Variants in PRKN observed in about 807,000 individuals in gnomAD.
PRKN encodes parkin RBR E3 ubiquitin protein ligase, also known as E3 ubiquitin-protein ligase parkin.
A neutral mutation model predicts 59.5 loss-of-function variants in PRKN; 56 were observed. That is an observed-to-expected ratio of 0.94 (90% CI 0.76 to 1.18). The LOEUF is 1.18. Ranked by LOEUF, PRKN falls within the 50% of genes most tolerant of loss-of-function variation. The pLI is 0.00. For missense variants in PRKN, 657 were observed against 596.4 expected, an observed-to-expected ratio of 1.10 and a Z score of -1.06; for synonymous variants, 250 against 222.1, an observed-to-expected ratio of 1.13 and a Z score of -1.12.
At chr6:161,509,763 C>G (rs980715307) in intron 9 of PRKN, among the ~76,000 whole-genome samples, 1 of 151,276 alleles carries the variant, frequency 6.6e-6, no homozygotes, top group African/African-American at 2.4e-5. Flanking sequence ...GCCTGTAATC[C>G]CAGCTACTCA....
At chr6:162,579,004 C>A (rs888806226) in intron 1 of PRKN, among the ~76,000 whole-genome samples, 8 of 152,110 alleles carry the variant, frequency 5.3e-5, no homozygotes, top group Non-Finnish European at 1.5e-5. Context: ...TTTATTTACC[C>A]ACATATGTTT....
intron 7 of PRKN, among the ~76,000 whole-genome samples, chr6:161,769,381 G>A (rs1789566600): frequency 6.6e-6 from 1 of 152,118 alleles, no homozygotes; most frequent in Non-Finnish European, 1.5e-5. Flanking sequence ...TCGACATCCA[G>A]TTGAGTGGGC....
intron 4 of PRKN, among the ~76,000 whole-genome samples, chr6:162,129,068 T>A: frequency 6.6e-6 from 1 of 152,212 alleles, no homozygotes; most frequent in Non-Finnish European, 1.5e-5. Context: ...AAGGATAACA[T>A]CATATAGGGA....
In PRKN at chr6:161,968,633, G is replaced by C. The variant is rs528057925; in HGVS notation, c.734+4669C>G. Among the ~76,000 whole-genome samples, 9 of 152,192 alleles carry C rather than the reference G, an allele frequency of 5.9e-5. No homozygotes were observed. In the South Asian group the frequency reaches 1.9e-3, roughly 32 times the overall value. ...TTTCATCTATTATGTGGTTAATTAT[G>C]TCTAATTTGATTAATGATGTATGAT... On this transcript the variant is annotated intron_variant, in intron 6 of 11. Transcript: ENST00000366898.
intron 9 of PRKN, among the ~76,000 whole-genome samples, chr6:161,422,390 G>A (rs35621654): frequency 6.6e-6 from 1 of 151,862 alleles, no homozygotes; most frequent in Non-Finnish European, 1.5e-5. Context: ...GCAGAGATGG[G>A]GTTTCACCAT....
chr6:161,661,756 C>T (rs1034712115), intron 7 of PRKN, among the ~76,000 whole-genome samples: 10 of 152,214 alleles, frequency 6.6e-5, no homozygotes, highest in Non-Finnish European at 1.2e-4. Flanking sequence ...GGCACAGTGG[C>T]TCCCACGTGT....
chr6:162,250,591 AGCC>A (rs1779394207), intron 3 of PRKN, among the ~76,000 whole-genome samples: 1 of 152,230 alleles, frequency 6.6e-6, no homozygotes, highest in African/African-American at 2.4e-5. Context: ...ACATGGCATC[AGCC>A]AGATTCCCTT....
Position 161,349,482 on chromosome 6 carries a change from A to C in PRKN, c.*617T>G. On this transcript the variant is annotated 3_prime_UTR_variant, in exon 12 of 12. Transcript: ENST00000366898. This position sits in a 1 kb window ranked among gnomAD's most constrained non-coding sequence, Gnocchi z 5.5. ...TATTTCATTAATGCGATTTATATAG[A>C]TGGAATTCTTAAGGATAAACAAATG... 1 of 233,114 alleles carries C rather than the reference A, an allele frequency of 4.3e-6. No homozygotes were observed. The highest frequency in any genetic ancestry group is 8.5e-6 in the Non-Finnish European group (1 of 118,084). The allele number at this position is 233,114 out of a possible 1,614,324, so 14.4% of individuals were successfully genotyped here.
intron 2 of PRKN, among the ~76,000 whole-genome samples, chr6:162,390,269 G>A (rs1233605230): frequency 1.3e-5 from 2 of 151,180 alleles, no homozygotes; most frequent in Admixed American, 1.3e-4. Flanking sequence ...ATAATAATCA[G>A]TTTGTACCTA....
intron 6 of PRKN, among the ~76,000 whole-genome samples, chr6:161,790,716 C>G (rs993837681): frequency 3.3e-5 from 5 of 152,052 alleles, no homozygotes; most frequent in Non-Finnish European, 7.3e-5. Flanking sequence ...TCTCCGGAAC[C>G]GTGAGAAATA....
intron 3 of PRKN, among the ~76,000 whole-genome samples, chr6:162,242,010 T>G (rs1369484514): frequency 6.6e-6 from 1 of 151,638 alleles, no homozygotes; most frequent in Non-Finnish European, 1.5e-5. Flanking sequence ...TACAACACAT[T>G]CCATGGATAA....
rs1377864269 is a variant in PRKN at position 161,351,129 on chromosome 6, T to TATATATTTATATTTAAAATATATATAA, written c.1286-945_1286-919dup. ...TTTAAAATATATATAAATATATTTT[T>TATATATTTATATTTAAAATATATATAA]ATATATTTATATTTAAAATATATAT... On this transcript the variant is annotated intron_variant, in intron 11 of 11. Coordinates refer to ENST00000366898, the MANE Select transcript of PRKN (RefSeq NM_004562.3). Among the ~76,000 whole-genome samples the TATATATTTATATTTAAAATATATATAA allele has an allele frequency of 1.1e-3, 138 of 128,834 alleles. 1 individual carries two copies. Among genetic ancestry groups the TATATATTTATATTTAAAATATATATAA allele is most frequent in the African/African-American group, 2.6e-3 (91 of 34,344 alleles). 84.5% of individuals were successfully genotyped at this position (128,834 alleles called of 152,430 possible). A position where few individuals can be genotyped will look rare whatever the true frequency, so the allele number is the denominator to read the frequency against.
intron 7 of PRKN, among the ~76,000 whole-genome samples, chr6:161,718,204 C>A (rs1417337723): frequency 3.9e-5 from 6 of 152,080 alleles, no homozygotes; most frequent in Non-Finnish European, 2.9e-5. Flanking sequence ...GAAAGCCAGG[C>A]AAAGTGTTGT....
At chr6:162,208,864 G>A (rs1011167273) in intron 3 of PRKN, among the ~76,000 whole-genome samples, 5 of 152,036 alleles carry the variant, frequency 3.3e-5, no homozygotes, top group African/African-American at 1.2e-4. Flanking sequence ...GGCTTAAAGA[G>A]GCAGCACCTA....
At chr6:161,946,414 A>ACACACACACACACACACACTCTCTCTCT (rs1247187053) in intron 6 of PRKN, among the ~76,000 whole-genome samples, 4 of 114,376 alleles carry the variant, frequency 3.5e-5, no homozygotes, top group Admixed American at 9.0e-5. Context: ...ACACACACAC[A>ACACACACACACACACACACTCTCTCTCT]CTCTCTCTCT....
At chr6:161,375,117 G>C (rs62435878) in intron 10 of PRKN, among the ~76,000 whole-genome samples, 10,672 of 151,512 alleles carry the variant, frequency 0.07, 428 homozygotes, top group Non-Finnish European at 0.08. Flanking sequence ...ACAGGTGAGC[G>C]AGCTCAGGGG....
chr6:162,616,871 G>C (rs1030251627), intron 1 of PRKN, among the ~76,000 whole-genome samples: 1 of 152,010 alleles, frequency 6.6e-6, no homozygotes, highest in African/African-American at 2.4e-5. Context: ...GAAGCTCCTA[G>C]GAAGACAGAA....
chr6:162,247,748 T>C (rs78909977), intron 3 of PRKN, among the ~76,000 whole-genome samples: 3,390 of 152,286 alleles, frequency 0.022, 99 homozygotes, highest in African/African-American at 0.059. Flanking sequence ...GATTCTAGCA[T>C]AGTGTTAGAA....
At chr6:161,937,800 A>T (rs908468228) in intron 6 of PRKN, among the ~76,000 whole-genome samples, 3 of 152,190 alleles carry the variant, frequency 2.0e-5, no homozygotes, top group Admixed American at 2.0e-4. Context: ...TCCATTTTCT[A>T]GATATATGAC....
Sources: allele counts gnomAD v4.1 joint callset (sites outside exome capture counted in the v4.1 genomes callset), GRCh38; gene constraint gnomAD v4.1.1; non-coding constraint Gnocchi (gnomAD v3.1); transcripts MANE v1.5; gene names NCBI Gene and HGNC (gene_info 2026-07-23, HGNC 2026-07-21).